Variants in WNK1 observed in about 807,000 individuals in gnomAD.
WNK1 encodes the protein WNK lysine deficient protein kinase 1.
WNK1 carries 38 observed loss-of-function variants against 222.8 expected under a neutral mutation model. That is an observed-to-expected ratio of 0.17 (90% CI 0.13 to 0.22). The LOEUF (loss-of-function observed/expected upper bound fraction) is 0.22, where lower values mean the gene tolerates loss of function less well. WNK1 is among the 10% of genes least tolerant of loss of function. The probability of loss-of-function intolerance (pLI) is 1.00; values close to 1 mark genes in which losing one functional copy is unlikely to be tolerated. For synonymous variants in WNK1, 1,090 were observed against 1,092.9 expected (o/e 1.00, Z 0.05); for missense variants, 2,348 against 2,918.4 (o/e 0.80, Z 4.50).
intron 1 of WNK1, among the ~76,000 whole-genome samples, chr12:765,741 G>A (rs1941617165): frequency 6.6e-6 from 1 of 151,892 alleles, no homozygotes; most frequent in Non-Finnish European, 1.5e-5. Context: ...AGACTAGGCT[G>A]GGCAATGTAG....
rs747863248 is a variant in WNK1, at chr12:879,868, C to T, written c.2669C>T (p.Thr890Ile). Residue 890 changes from threonine (T) to isoleucine (I), a missense_variant, in exon 11 of 28, where the codon ACT becomes ATT. Transcript: ENST00000315939. ...ACAGCTGCGATCCCGGGGGTATCAA[C>T]TGTGGTTCCTAGTCAGCTTCCAACC... ...ATTAAIPGVS[T>I]VVPSQLPTLL... 12 of 1,614,188 alleles carry T rather than the reference C, an allele frequency of 7.4e-6. No homozygotes were observed. The highest frequency in any genetic ancestry group is 3.3e-4 in the Middle Eastern group (2 of 6,062).
chr12:870,651 C>G (rs1044906912), intron 8 of WNK1, among the ~76,000 whole-genome samples: 1 of 152,142 alleles, frequency 6.6e-6, no homozygotes, highest in Non-Finnish European at 1.5e-5. Context: ...CTATTTAGAA[C>G]ATCCTTGGTT....
At chr12:881,094 A>G (rs1377398391) in intron 12 of WNK1, 95 bp downstream of exon 12, 4 of 1,514,718 alleles carry the variant, frequency 2.6e-6, no homozygotes, top group Admixed American at 1.8e-5. Flanking sequence ...CTGGTTTAGA[A>G]CTTATTTGGA....
At chr12:814,360 A>C (rs1011739018) in intron 2 of WNK1, among the ~76,000 whole-genome samples, 1 of 151,996 alleles carries the variant, frequency 6.6e-6, no homozygotes, top group Non-Finnish European at 1.5e-5. Flanking sequence ...ATCAGAAATC[A>C]AATGTCAAGG....
chr12:838,693 G>A (rs1343282070), intron 4 of WNK1, among the ~76,000 whole-genome samples: 4 of 152,140 alleles, frequency 2.6e-5, no homozygotes, highest in Non-Finnish European at 4.4e-5. Context: ...TGGGATTACA[G>A]GTGTGAGCCA....
rs1354633016 is a variant in WNK1 at position 889,215 on chromosome 12, G to A, written c.5440G>A (p.Ala1814Thr). The stretch of plus-strand genomic sequence containing the variant: ...TCCAGAGATGATCACAGTGACTTCT[G>A]CGGTTGGTGTAAGTTTTGAAAATCT... ...LSPEMITVTS[A>T]VGPVSMAAPT... The change falls in exon 21 of 28, where the codon GCG (alanine) becomes ACG (threonine). Residue 1814 changes from alanine to threonine, a missense_variant. Transcript: ENST00000315939. The A allele has an allele frequency of 1.2e-6, 2 of 1,613,916 alleles. No individual in the cohort carries two copies. The highest frequency in any genetic ancestry group is 1.7e-6 in the Non-Finnish European group (2 of 1,179,844).
At chr12:793,192 T>A (rs1945005868) in intron 1 of WNK1, among the ~76,000 whole-genome samples, 1 of 152,216 alleles carries the variant, frequency 6.6e-6, no homozygotes, top group Admixed American at 6.5e-5. Context: ...AAATGACTGT[T>A]ACCAAATAAT....
At chr12:781,100 TAACAACAAC>T (rs67262306) in intron 1 of WNK1, 68,687 of 153,658 alleles carry the variant, frequency 0.45, 16,939 homozygotes, top group East Asian at 0.8. Context: ...TTTATTTCGT[TAACAACAAC>T]AACAACAACA....
chr12:881,686 T>G lies in WNK1; in HGVS notation c.3112-6T>G, dbSNP rs1409690582. 3 of 1,610,686 alleles carry G rather than the reference T, an allele frequency of 1.9e-6. No individual in the cohort carries two copies. Among genetic ancestry groups the G allele is most frequent in the Admixed American group, 1.7e-5 (1 of 60,028 alleles). ...CCGAGATTTGAGTTATCTTTTCGAT[T>G]CACAGAGTACTCAGGGAGTCTCTCA... On this transcript the variant is annotated splice_region_variant and splice_polypyrimidine_tract_variant and intron_variant, in intron 12 of 27. Coordinates refer to ENST00000315939, the MANE Select transcript of WNK1 (RefSeq NM_018979.4).
intron 4 of WNK1, among the ~76,000 whole-genome samples, chr12:850,144 C>T (rs1472390837): frequency 1.3e-5 from 2 of 152,236 alleles, no homozygotes; most frequent in Non-Finnish European, 1.5e-5. Flanking sequence ...AATCGCCACA[C>T]TGACTTCCAC....
rs1941513799 is a variant in WNK1, at chr12:765,040, G to T, written c.759+10716G>T. ...AGTAGAGACAGGGTTTTGCCATGTT[G>T]GCCAGGCTGGTCTGGAACTCCTCAG... On this transcript the variant is annotated intron_variant, in intron 1 of 27. Transcript: ENST00000315939. Among the ~76,000 whole-genome samples the T allele has an allele frequency of 9.5e-5, 14 of 147,960 alleles. 1 individual carries two copies. The South Asian group carries it at 3.1e-3, about 33-fold the overall frequency.
At chr12:865,796 CT>C (rs34821089) in intron 8 of WNK1, among the ~76,000 whole-genome samples, 1,871 of 145,218 alleles carry the variant, frequency 0.013, 36 homozygotes, top group African/African-American at 0.042. Flanking sequence ...TGGATGAGTC[CT>C]TTTTTTTTTT....
chr12:899,523 TC>T (rs1349466472), intron 25 of WNK1, among the ~76,000 whole-genome samples: 1 of 152,134 alleles, frequency 6.6e-6, no homozygotes. Context: ...CCTCAGGTGA[TC>T]CGCCCGCCTC....
At chr12:891,599 TTTC>T (rs1954237874) in intron 22 of WNK1, among the ~76,000 whole-genome samples, 1 of 147,792 alleles carries the variant, frequency 6.8e-6, no homozygotes, top group South Asian at 2.2e-4. Flanking sequence ...GGGGATTTTT[TTTC>T]TTTTTTTTTT....
chr12:813,870 T>C, intron 2 of WNK1, 56 bp downstream of exon 2: 1 of 1,581,698 alleles, frequency 6.3e-7, no homozygotes, highest in Admixed American at 1.8e-5. Flanking sequence ...ATTTGATTTT[T>C]TAAATTTCAG....
rs1953440973 is a variant in WNK1, at chr12:884,155, T to C, written c.3756T>C (p.His1252=). 2 of 1,614,228 alleles carry C rather than the reference T, an allele frequency of 1.2e-6. No homozygotes were observed. Among genetic ancestry groups the C allele is most frequent in the Non-Finnish European group, 1.7e-6 (2 of 1,180,044 alleles). The change falls in exon 18 of 28, where the codon CAT becomes CAC. Residue 1252 remains histidine (H), a synonymous_variant. Transcript: ENST00000315939. The surrounding 1 kb of genome is among the most constrained non-coding windows in gnomAD (Gnocchi z 5.6). The part of the protein sequence containing the change: ...IPTSSLTQVV[H]SAGRRFIVSP... ...CCAGTTCTTTAACTCAAGTTGTTCA[T>C]TCTGCGGGAAGGCGGTTTATAGTGA...
chr12:883,110 A>G, intron 15 of WNK1, 51 bp downstream of exon 15: 1 of 1,296,782 alleles, frequency 7.7e-7, no homozygotes. Context: ...TGATCTTAAT[A>G]GCCATTGCTC....
intron 4 of WNK1, chr12:851,360 A>T: frequency 9.5e-7 from 1 of 1,054,506 alleles, no homozygotes; most frequent in Non-Finnish European, 1.1e-6. Flanking sequence ...AGGAGATAGA[A>T]ACTGTGCGCA....
intron 1 of WNK1, among the ~76,000 whole-genome samples, chr12:810,876 C>T (rs2154006773): frequency 6.6e-6 from 1 of 152,208 alleles, no homozygotes; most frequent in South Asian, 2.1e-4. Flanking sequence ...GCCTGACCCC[C>T]ACCCCACCCC....
Sources: allele counts gnomAD v4.1 joint callset (sites outside exome capture counted in the v4.1 genomes callset), GRCh38; gene constraint gnomAD v4.1.1; non-coding constraint Gnocchi (gnomAD v3.1); transcripts MANE v1.5; gene names NCBI Gene and HGNC (gene_info 2026-07-23, HGNC 2026-07-21).